Variants in CEP112 observed in about 807,000 individuals in gnomAD.
The protein encoded by CEP112 is centrosomal protein 112.
In CEP112, 127 loss-of-function variants were observed where a neutral mutation model predicts 153.0. That is an observed-to-expected ratio of 0.83 (90% CI 0.72 to 0.96). CEP112 has a LOEUF of 0.96. CEP112 is among the 40% of genes least tolerant of loss of function. The pLI, the probability that CEP112 is intolerant of heterozygous loss-of-function variation, is 0.00. For synonymous variants in CEP112, 358 were observed against 374.4 expected, an observed-to-expected ratio of 0.96 and a Z score of 0.51; for missense variants, 1,089 against 1,101.2, an observed-to-expected ratio of 0.99 and a Z score of 0.16.
chr17:65,961,749 A>T, intron 17 of CEP112, 151 bp from the exon 18 acceptor site: 1 of 688,462 alleles, frequency 1.5e-6, no homozygotes, highest in Middle Eastern at 4.3e-4. Context: ...TTTGACAATA[A>T]ACTAATTTGT....
rs138074554 is a variant in CEP112, at chr17:65,749,718, T to C, written c.2457+944A>G. Among the ~76,000 whole-genome samples, 269 of 152,268 alleles carry C rather than the reference T, an allele frequency of 1.8e-3. 2 individuals carry two copies. The highest frequency in any genetic ancestry group is 6.0e-3 in the African/African-American group (250 of 41,568). ...GTAATAGTTCCTAATTCCAGAGTTA[T>C]TGTGAAAGACTGAATGAGTCAACAT... On this transcript the variant is annotated intron_variant, in intron 22 of 26. Transcript: ENST00000535342.
Position 65,860,080 on chromosome 17 carries a change from G to A in CEP112, c.2164-8046C>T, listed in dbSNP as rs371114689. ...TGCCATGACGGTATATATAAAAAAT[G>A]AAAATGAATGTACAAATTATTAGAA... is the stretch of plus-strand genomic sequence containing the variant. On this transcript the variant is annotated intron_variant, in intron 20 of 26. Transcript: ENST00000535342. Among the ~76,000 whole-genome samples, 27 of 149,254 alleles carry A rather than the reference G, an allele frequency of 1.8e-4. 2 individuals carry two copies. The highest frequency in any genetic ancestry group is 1.2e-3 in the East Asian group (6 of 5,120).
chr17:66,041,746 T>C (rs1471023716), intron 12 of CEP112, among the ~76,000 whole-genome samples: 1 of 152,134 alleles, frequency 6.6e-6, no homozygotes, highest in Admixed American at 6.6e-5. Context: ...AATATTGGCT[T>C]ATAACCCAAA....
chr17:66,017,013 A>G (rs547444649), intron 16 of CEP112, among the ~76,000 whole-genome samples: 20 of 152,340 alleles, frequency 1.3e-4, no homozygotes, highest in Non-Finnish European at 2.4e-4. Context: ...AAGTTAATAA[A>G]TTACTTGATG....
intron 8 of CEP112, among the ~76,000 whole-genome samples, chr17:66,096,036 G>A (rs9903594): frequency 0.95 from 143,952 of 152,196 alleles, 68,172 homozygotes; most frequent in East Asian, 0.98. Flanking sequence ...CACTCCAGCC[G>A]GACAAAAGAT....
At chr17:66,053,927 C>T (rs2066563439) in intron 11 of CEP112, 48 bp from the exon 12 acceptor site, 1 of 1,512,924 alleles carries the variant, frequency 6.6e-7, no homozygotes, top group African/African-American at 1.4e-5. Flanking sequence ...ATGGAATTGA[C>T]TATTTTGTAA....
chr17:66,157,589 G>C (rs1192700942), intron 4 of CEP112, among the ~76,000 whole-genome samples: 2 of 151,952 alleles, frequency 1.3e-5, no homozygotes, highest in East Asian at 3.9e-4. Context: ...CTGGGAAATT[G>C]GATAAAGAGT....
intron 4 of CEP112, among the ~76,000 whole-genome samples, chr17:66,165,959 A>G (rs948424841): frequency 6.6e-6 from 1 of 152,202 alleles, no homozygotes; most frequent in African/African-American, 2.4e-5. Flanking sequence ...AATCTCATTA[A>G]AGCAAAGATG....
At chr17:65,812,364 A>G (rs2056024294) in intron 21 of CEP112, among the ~76,000 whole-genome samples, 1 of 152,138 alleles carries the variant, frequency 6.6e-6, no homozygotes, top group Non-Finnish European at 1.5e-5. Flanking sequence ...TTTCTCTGGG[A>G]TATTTCTCCA....
intron 17 of CEP112, among the ~76,000 whole-genome samples, chr17:65,967,495 G>A (rs1002716199): frequency 6.6e-6 from 1 of 152,096 alleles, no homozygotes. Flanking sequence ...GTAAAACATG[G>A]TTCCTATCTT....
intron 23 of CEP112, among the ~76,000 whole-genome samples, chr17:65,715,572 T>G (rs1405681178): frequency 6.6e-6 from 1 of 151,960 alleles, no homozygotes; most frequent in Non-Finnish European, 1.5e-5. Flanking sequence ...TGCCTCAGTC[T>G]CCCGAGTAGC....
chr17:65,671,580 T>C (rs1394066051), intron 24 of CEP112, among the ~76,000 whole-genome samples: 1 of 152,218 alleles, frequency 6.6e-6, no homozygotes, highest in African/African-American at 2.4e-5. Context: ...AGACATACTA[T>C]ATACACCAAC....
In CEP112 at chr17:66,062,964, T is replaced by A; in HGVS notation, c.1073A>T (p.Lys358Met). 6.7e-7 allele frequency: 1 copy of A among 1,493,300 alleles called. No homozygotes were observed. The highest frequency in any genetic ancestry group is 9.2e-7 in the Non-Finnish European group (1 of 1,091,748). The allele number at this position is 1,493,300 out of a possible 1,614,324, so 92.5% of individuals were successfully genotyped here. ...TESLNNDWEK[K>M]LHNAVAEMEQ... Reference sequence around the variant, plus strand: ...CCATTAGTATTTTATGTAGCTTACCTTTTTTTCCCAGTCATTATTTAGAGA... The same window carrying A: ...CCATTAGTATTTTATGTAGCTTACCATTTTTTCCCAGTCATTATTTAGAGA... The change falls in exon 11 of 27, where the codon AAG becomes ATG. Residue 358 changes from lysine to methionine, a missense_variant and splice_region_variant. By Grantham distance (95) the Lys-to-Met change is moderately conservative. Transcript: ENST00000535342.
intron 22 of CEP112, among the ~76,000 whole-genome samples, chr17:65,744,235 TTTTGTTTG>T (rs71160503): frequency 6.8e-4 from 101 of 149,540 alleles, no homozygotes; most frequent in Middle Eastern, 3.5e-3. Flanking sequence ...TTTTTGTGTT[TTTTGTTTG>T]TTTGTTTGTT....
intron 23 of CEP112, among the ~76,000 whole-genome samples, chr17:65,716,922 T>G (rs760788748): frequency 7.2e-5 from 11 of 152,202 alleles, no homozygotes; most frequent in Non-Finnish European, 1.3e-4. Flanking sequence ...CTGGGAGTCA[T>G]GCTTTCCTGA....
chr17:65,766,420 A>G (rs543630144), intron 21 of CEP112, among the ~76,000 whole-genome samples: 2 of 150,026 alleles, frequency 1.3e-5, no homozygotes, highest in African/African-American at 4.9e-5. Flanking sequence ...AAGAATAAAC[A>G]CCTAACACTA....
intron 18 of CEP112, among the ~76,000 whole-genome samples, chr17:65,955,144 T>C (rs1045526715): frequency 1.3e-5 from 2 of 152,196 alleles, no homozygotes; most frequent in Admixed American, 6.5e-5. Flanking sequence ...AAGGTAAACC[T>C]ATCAAATTAA....
intron 8 of CEP112, among the ~76,000 whole-genome samples, chr17:66,091,785 T>C (rs752613719): frequency 6.6e-6 from 1 of 152,010 alleles, no homozygotes; most frequent in Non-Finnish European, 1.5e-5. Flanking sequence ...GACAAAACTT[T>C]AGCTAGACTA....
At chr17:65,994,954 C>T (rs2063729722) in intron 17 of CEP112, among the ~76,000 whole-genome samples, 1 of 152,134 alleles carries the variant, frequency 6.6e-6, no homozygotes, top group South Asian at 2.1e-4. Flanking sequence ...AACCCCTGAA[C>T]TAAACATCTT....
Sources: gnomAD v4.1 joint callset for allele counts (sites outside exome capture counted in the v4.1 genomes callset) on GRCh38, gnomAD v4.1.1 for gene constraint, MANE v1.5 for transcripts, NCBI Gene and HGNC (gene_info 2026-07-23, HGNC 2026-07-21) for gene names.